Variants in LDAH observed in about 807,000 individuals in gnomAD.
LDAH encodes lipid droplet-associated hydrolase.
In LDAH, 26 loss-of-function variants were observed where a neutral mutation model predicts 29.6. The observed-to-expected ratio is 0.88, with a 90% confidence interval of 0.64 to 1.22. The LOEUF (loss-of-function observed/expected upper bound fraction) is 1.22. Among genes scored for constraint, LDAH ranks in the 50% most tolerant of loss-of-function variants. The pLI is 0.00. For missense variants in LDAH, 344 were observed against 387.3 expected (o/e 0.89, Z 0.94); for synonymous variants, 117 against 133.0 (o/e 0.88, Z 0.83).
intron 5 of LDAH, among the ~76,000 whole-genome samples, chr2:20,721,778 C>G (rs925916838): frequency 6.6e-6 from 1 of 152,172 alleles, no homozygotes. Flanking sequence ...GTTCAGCAAT[C>G]CCACTGATAG....
At chr2:20,763,177 A>G (rs1668806215) in intron 4 of LDAH, among the ~76,000 whole-genome samples, 1 of 152,252 alleles carries the variant, frequency 6.6e-6, no homozygotes, top group South Asian at 2.1e-4. Flanking sequence ...CTCTGTGTTT[A>G]TGGACAACGT....
intron 3 of LDAH, among the ~76,000 whole-genome samples, chr2:20,786,879 C>T (rs1454346747): frequency 2.6e-5 from 4 of 152,142 alleles, no homozygotes; most frequent in Non-Finnish European, 4.4e-5. Flanking sequence ...CTCTTTTTCC[C>T]TTGGAAAGTA....
chr2:20,685,192 G>T lies in LDAH; in HGVS notation c.*1711C>A. 6.3e-6 allele frequency: 3 copies of T among 476,214 alleles called. No homozygotes were observed. The highest frequency in any genetic ancestry group is 3.4e-5 in the East Asian group (1 of 29,718). 29.5% of individuals were successfully genotyped at this position (476,214 alleles called of 1,614,324 possible). ...CATACGTGCAGACTTTTGAAATATG[G>T]AGTAACATTTAAAATAACAGATAAA... On this transcript the variant is annotated 3_prime_UTR_variant, in exon 7 of 7. Coordinates refer to ENST00000237822, the MANE Select transcript of LDAH (RefSeq NM_021925.4).
intron 3 of LDAH, among the ~76,000 whole-genome samples, chr2:20,788,693 C>A (rs546904232): frequency 6.6e-6 from 1 of 151,684 alleles, no homozygotes; most frequent in African/African-American, 2.4e-5. Context: ...ACAGCCACCT[C>A]GATCTCACCT....
intron 6 of LDAH, among the ~76,000 whole-genome samples, chr2:20,689,661 C>T (rs1290749146): frequency 6.6e-6 from 1 of 152,214 alleles, no homozygotes; most frequent in Non-Finnish European, 1.5e-5. Flanking sequence ...AAGCTACTCC[C>T]TATATTTACC....
At chr2:20,814,611 C>A (rs1037749950) in intron 1 of LDAH, among the ~76,000 whole-genome samples, 4 of 152,162 alleles carry the variant, frequency 2.6e-5, no homozygotes, top group African/African-American at 9.7e-5. Flanking sequence ...TAGGCACACA[C>A]CACCATGCCT....
At position 20,686,028 on chromosome 2, in the gene LDAH, A is replaced by C. The variant is rs1662535066; in HGVS notation, c.*875T>G. On this transcript the variant is annotated 3_prime_UTR_variant, in exon 7 of 7. Transcript: ENST00000237822. Reference sequence around the variant, plus strand: ...CTCCATCCTCAATGGCTAGCACACTATTTGGCTCATTGATGGTCTTTAATG... The same window carrying C: ...CTCCATCCTCAATGGCTAGCACACTCTTTGGCTCATTGATGGTCTTTAATG... The C allele has an allele frequency of 5.8e-6, 1 of 173,280 alleles. No homozygotes were observed. Among genetic ancestry groups the C allele is most frequent in the Non-Finnish European group, 1.2e-5 (1 of 81,550 alleles). 10.7% of individuals were successfully genotyped at this position (173,280 alleles called of 1,614,324 possible). A position where few individuals can be genotyped will look rare whatever the true frequency, so the allele number is the denominator to read the frequency against.
chr2:20,694,115 C>T (rs572233969), intron 6 of LDAH, among the ~76,000 whole-genome samples: 1 of 152,308 alleles, frequency 6.6e-6, no homozygotes, highest in South Asian at 2.1e-4. Context: ...ACCAAGGGAT[C>T]AAATTAGTAC....
intron 2 of LDAH, among the ~76,000 whole-genome samples, chr2:20,798,902 TGAA>T (rs1452966010): frequency 2.0e-5 from 3 of 149,548 alleles, no homozygotes; most frequent in Non-Finnish European, 4.5e-5. Flanking sequence ...AAAAGACAAC[TGAA>T]GAAGAAGAAA....
chr2:20,798,551 C>T (rs1278207306), intron 2 of LDAH, among the ~76,000 whole-genome samples: 2 of 148,652 alleles, frequency 1.3e-5, no homozygotes, highest in Non-Finnish European at 3.0e-5. Flanking sequence ...ATAGGCTTAG[C>T]TATGTATAAT....
intron 3 of LDAH, among the ~76,000 whole-genome samples, chr2:20,777,050 TTAAG>T (rs1669869525): frequency 2.0e-5 from 3 of 152,214 alleles, no homozygotes; most frequent in Admixed American, 1.3e-4. Context: ...TGGCTGTTGT[TTAAG>T]TGTCTGGCAT....
At chr2:20,744,539 G>A (rs1667437658) in intron 4 of LDAH, among the ~76,000 whole-genome samples, 1 of 152,142 alleles carries the variant, frequency 6.6e-6, no homozygotes, top group African/African-American at 2.4e-5. Context: ...GCTGACAAGA[G>A]TTAGGTATTT....
At chr2:20,697,186 T>A (rs182951744) in intron 6 of LDAH, among the ~76,000 whole-genome samples, 1 of 152,186 alleles carries the variant, frequency 6.6e-6, no homozygotes, top group Non-Finnish European at 1.5e-5. Flanking sequence ...CCATCTCCCA[T>A]AACTTGCTGC....
chr2:20,702,114 A>G (rs1182392860), intron 5 of LDAH, among the ~76,000 whole-genome samples: 2 of 152,110 alleles, frequency 1.3e-5, no homozygotes, highest in Non-Finnish European at 2.9e-5. Context: ...AAATACGTTT[A>G]AAGTTCTCCA....
intron 1 of LDAH, among the ~76,000 whole-genome samples, chr2:20,814,401 T>A (rs550260262): frequency 5.3e-5 from 8 of 152,316 alleles, no homozygotes; most frequent in African/African-American, 1.9e-4. Context: ...CTATGTAAAA[T>A]CTTCAGTATT....
chr2:20,769,909 T>G (rs898379401), intron 4 of LDAH, among the ~76,000 whole-genome samples: 1 of 152,086 alleles, frequency 6.6e-6, no homozygotes, highest in African/African-American at 2.4e-5. Flanking sequence ...AAATTAGAAG[T>G]AGGGAAGAGA....
rs563040076 is a variant in LDAH at position 20,713,000 on chromosome 2, C to A, written c.704-11348G>T. On this transcript the variant is annotated intron_variant, in intron 5 of 6. Coordinates refer to ENST00000237822, the MANE Select transcript of LDAH (RefSeq NM_021925.4). ...ATCCAGGAGAACTTTCCCAACCTAGCAAGGCAGGCCAACATTCAAATTCCG... is the reference window on the plus strand; with the variant it reads ...ATCCAGGAGAACTTTCCCAACCTAGAAAGGCAGGCCAACATTCAAATTCCG... Among the ~76,000 whole-genome samples the A allele has an allele frequency of 3.0e-3, 464 of 152,308 alleles. 1 individual carries two copies. Among genetic ancestry groups the A allele is most frequent in the Non-Finnish European group, 5.0e-3 (341 of 68,024 alleles).
At chr2:20,765,051 A>G (rs1234148374) in intron 4 of LDAH, among the ~76,000 whole-genome samples, 2 of 152,232 alleles carry the variant, frequency 1.3e-5, no homozygotes, top group Non-Finnish European at 2.9e-5. Flanking sequence ...TATGTAATAT[A>G]TGTTCCCCCT....
intron 5 of LDAH, among the ~76,000 whole-genome samples, chr2:20,725,853 G>T (rs891270823): frequency 6.6e-6 from 1 of 152,140 alleles, no homozygotes; most frequent in African/African-American, 2.4e-5. Flanking sequence ...AGTTGCAGGA[G>T]CCATGACGTG....
Sources: gnomAD v4.1 joint callset for allele counts (sites outside exome capture counted in the v4.1 genomes callset) on GRCh38, gnomAD v4.1.1 for gene constraint, MANE v1.5 for transcripts, NCBI Gene and HGNC (gene_info 2026-07-23, HGNC 2026-07-21) for gene names.